Variants in HAP1 observed in about 807,000 individuals in gnomAD.
HAP1 encodes huntingtin-associated protein 1.
HAP1 carries 59 observed loss-of-function variants against 60.3 expected under a neutral mutation model. The observed-to-expected ratio is 0.98, with a 90% CI of 0.79 to 1.22. The LOEUF is 1.22. HAP1 is among the 50% of genes most tolerant of loss of function. The pLI, the probability that HAP1 is intolerant of heterozygous loss-of-function variation, is 0.00. For missense variants in HAP1, 825 were observed against 785.3 expected (o/e 1.05, Z -0.60); for synonymous variants, 346 against 330.6 (o/e 1.05, Z -0.50).
chr17:41,727,599 A>C (rs1379792225), intron 8 of HAP1, 163 bp downstream of exon 8: 6 of 655,442 alleles, frequency 9.2e-6, no homozygotes, highest in Middle Eastern at 8.1e-4. Context: ...CCTTGATGGA[A>C]CTGTCACCTG....
intron 6 of HAP1, chr17:41,730,074 GAAAGA>G (rs781889006): frequency 0.065 from 1,126 of 17,330 alleles, 466 homozygotes; most frequent in Non-Finnish European, 0.082. Context: ...AGAAAGAAAA[GAAAGA>G]AAAGAAAAGA....
rs1555588001 is a variant in HAP1 at position 41,724,503 on chromosome 17, C to A, written c.*198G>T. The A allele has an allele frequency of 3.4e-6, 2 of 592,986 alleles. No homozygotes were observed. The allele number at this position is 592,986 out of a possible 1,614,324, so 36.7% of individuals were successfully genotyped here. On this transcript the variant is annotated 3_prime_UTR_variant, in exon 11 of 11. Coordinates refer to ENST00000347901, the MANE Select transcript of HAP1 (RefSeq NM_177977.3). Reference sequence around the variant, plus strand: ...ACAGTCCCAGCCCTAACCCCCAGCCCAGCCCCCAGGAGAAAAGTGGATGGA... The same window carrying A: ...ACAGTCCCAGCCCTAACCCCCAGCCAAGCCCCCAGGAGAAAAGTGGATGGA...
At chr17:41,731,795 TC>T in intron 4 of HAP1, 52 bp from the exon 5 acceptor site, 1 of 1,360,718 alleles carries the variant, frequency 7.3e-7, no homozygotes, top group Non-Finnish European at 1.0e-6. Flanking sequence ...GCTTCCCAGT[TC>T]CCAGCCCACC....
chr17:41,725,722 C>T (rs1911575789), intron 10 of HAP1, 137 bp downstream of exon 10: 2 of 738,282 alleles, frequency 2.7e-6, no homozygotes, highest in Non-Finnish European at 4.8e-6. Flanking sequence ...AGCTCCTTCC[C>T]AGAACAGTTC....
At chr17:41,728,483 A>G (rs1597741430) in intron 6 of HAP1, 152 bp from the exon 7 acceptor site, 1 of 674,600 alleles carries the variant, frequency 1.5e-6, no homozygotes, top group Non-Finnish European at 2.5e-6. Context: ...CAGGTCTTCC[A>G]TTCAAGAAAT....
rs1301789562 is a variant in HAP1 at position 41,723,885 on chromosome 17, C to G, written c.*816G>C. 6.6e-6 allele frequency: 1 copy of G among 152,214 alleles called. No individual in the cohort carries two copies. Among genetic ancestry groups the G allele is most frequent in the Non-Finnish European group, 1.5e-5 (1 of 68,114 alleles). 9.4% of individuals were successfully genotyped at this position (152,214 alleles called of 1,614,324 possible). A position where few individuals can be genotyped will look rare whatever the true frequency, so the allele number is the denominator to read the frequency against. On this transcript the variant is annotated 3_prime_UTR_variant, in exon 11 of 11. Coordinates refer to ENST00000347901, the MANE Select transcript of HAP1 (RefSeq NM_177977.3). ...AGAGAGGACGGGCTCAGATCTACCC[C>G]GGCTGTGTGGCCCCAAACAAGTGTC...
downstream of HAP1, chr17:41,718,087 C>T: frequency 2.2e-6 from 1 of 446,790 alleles, no homozygotes; most frequent in Middle Eastern, 5.6e-4. Flanking sequence ...GTGTATCACA[C>T]ATTTAACACA....
chr17:41,729,357 T>C (rs79837434), intron 6 of HAP1, among the ~76,000 whole-genome samples: 147,254 of 147,264 alleles, frequency 1, 73,622 homozygotes, highest in Middle Eastern at 1. Flanking sequence ...CAACACCAGC[T>C]TGCCCAACAT....
In HAP1 at chr17:41,724,779, C is replaced by A. The variant is rs1555588200; in HGVS notation, c.1782G>T (p.Lys594Asn). 6.2e-7 allele frequency: 1 copy of A among 1,611,218 alleles called. No individual in the cohort carries two copies. Among genetic ancestry groups the A allele is most frequent in the Admixed American group, 1.7e-5 (1 of 59,976 alleles). ...DAHYRRQLRW[K>N]MLQKGECPHG... Reference sequence around the variant, plus strand: ...GGGGGCACTCACCTTTCTGGAGCATCTTCCACCTCAGCTGCCGCCTGTAAT... The same window carrying A: ...GGGGGCACTCACCTTTCTGGAGCATATTCCACCTCAGCTGCCGCCTGTAAT... The change falls in exon 11 of 11, where the codon AAG (lysine) becomes AAT (asparagine). Residue 594 changes from lysine (K) to asparagine (N), a missense_variant. Lys to Asn is a moderately conservative substitution (Grantham distance 94, BLOSUM62 0). Coordinates refer to ENST00000347901, the MANE Select transcript of HAP1 (RefSeq NM_177977.3).
At chr17:41,725,974 G>T in intron 9 of HAP1, 77 bp from the exon 10 acceptor site, 2 of 1,110,654 alleles carry the variant, frequency 1.8e-6, no homozygotes, top group Non-Finnish European at 2.8e-6. Context: ...TCAAGCTGAA[G>T]AACCTTAGGT....
chr17:41,732,412 G>T lies in HAP1; in HGVS notation c.550-18C>A. 1 of 1,612,924 alleles carries T rather than the reference G, an allele frequency of 6.2e-7. No individual in the cohort carries two copies. On this transcript the variant is annotated intron_variant, in intron 2 of 10. Transcript: ENST00000347901. ...GGGAGAAGCTGGGGGGGACACAGGG[G>T]TCAGAGAGAGGCTAGGCCCCTAAGA...
At chr17:41,725,800 G>T in intron 10 of HAP1, 59 bp downstream of exon 10, 2 of 1,297,234 alleles carry the variant, frequency 1.5e-6, no homozygotes, top group Non-Finnish European at 2.2e-6. Flanking sequence ...AGAGGCAGGT[G>T]GGCTGTCTGG....
intron 8 of HAP1, chr17:41,727,454 C>T (rs782098072): frequency 2.6e-6 from 2 of 778,088 alleles, no homozygotes; most frequent in Non-Finnish European, 4.8e-6. Flanking sequence ...CCCACACGCT[C>T]TGCTGGGACC....
rs1171101218 is a variant in HAP1 at position 41,732,757 on chromosome 17, G to A, written c.511C>T (p.Gln171Ter). 1 of 1,613,258 alleles carries A rather than the reference G, an allele frequency of 6.2e-7. No homozygotes were observed. Among genetic ancestry groups the A allele is most frequent in the Non-Finnish European group, 8.5e-7 (1 of 1,179,174 alleles). ...TATAACATCACTTTGACGTCTTCCTGGGTGATCTTTTTGACTGGCGGAGGT... is the reference window on the plus strand; with the variant it reads ...TATAACATCACTTTGACGTCTTCCTAGGTGATCTTTTTGACTGGCGGAGGT... The part of the protein sequence containing the change: ...NLPPPVKKIT[Q>*]EDVKVMLYLL... The change falls in exon 2 of 11, where the codon CAG (glutamine) becomes TAG (stop). Residue 171 changes from glutamine to a stop codon, truncating the protein, a stop_gained. Transcript: ENST00000347901. LOFTEE classifies it high-confidence loss of function.
chr17:41,728,643 C>A (rs1213112564), intron 6 of HAP1, among the ~76,000 whole-genome samples: 1 of 152,170 alleles, frequency 6.6e-6, no homozygotes, highest in Non-Finnish European at 1.5e-5. Flanking sequence ...AGGGCAGGGG[C>A]ATCACAGCTA....
At chr17:41,730,054 A>AGAGAGAGAGAGAGAG (rs372761499) in intron 6 of HAP1, 1 of 19,828 alleles carries the variant, frequency 5.0e-5, no homozygotes, top group Non-Finnish European at 1.0e-4. Flanking sequence ...AGAGAGAGAG[A>AGAGAGAGAGAGAGAG]AGGAAGAAAA....
chr17:41,728,620 G>A lies in HAP1; in HGVS notation c.1070-289C>T, dbSNP rs566941807. On this transcript the variant is annotated intron_variant, in intron 6 of 10. Transcript: ENST00000347901. The stretch of plus-strand genomic sequence containing the variant: ...ATCATACAGGCCATGATGGGCAAAT[G>A]TCAAGGGTGTACAGGGCAGGGGCAT... 3.3e-5 allele frequency among the ~76,000 whole-genome samples: 5 copies of A among 152,302 alleles called. No homozygotes were observed. The South Asian group carries it at 1.0e-3, about 32-fold the overall frequency.
chr17:41,734,584 G>C lies in HAP1; in HGVS notation c.51C>G (p.Pro17=). Residue 17 remains proline, a synonymous_variant, in exon 1 of 11, where the codon CCC becomes CCG. Transcript: ENST00000347901. ...CACAGGTGAGTGCTGCTGGGTCCCC[G>C]GGTCCGAGCCGGCTCCCCGCGCAGC... The part of the protein sequence containing the change: ...GRCCAGSRLG[P]GDPAALTCAP... 2 of 1,584,778 alleles carry C rather than the reference G, an allele frequency of 1.3e-6. No homozygotes were observed. The highest frequency in any genetic ancestry group is 1.7e-6 in the Non-Finnish European group (2 of 1,166,252).
chr17:41,734,041 CG>C, intron 1 of HAP1, 124 bp downstream of exon 1: 1 of 697,744 alleles, frequency 1.4e-6, no homozygotes, highest in South Asian at 2.0e-5. Flanking sequence ...AGTGACATCG[CG>C]GGGGTGGTGG....
Sources: allele counts gnomAD v4.1 joint callset (sites outside exome capture counted in the v4.1 genomes callset), GRCh38; gene constraint gnomAD v4.1.1; transcripts MANE v1.5; gene names NCBI Gene and HGNC (gene_info 2026-07-23, HGNC 2026-07-21).